DMD: variants seen among roughly 807,000 people sequenced by gnomAD.
DMD encodes dystrophin, also known as mutant dystrophin.
Under a neutral mutation model 330.1 loss-of-function variants are expected in DMD, and 63 were observed. The ratio of observed to expected loss-of-function variants is 0.19; its 90% CI spans 0.16 to 0.24. The LOEUF is 0.24. DMD is among the 10% of genes least tolerant of loss of function. The pLI is 1.00. For missense variants in DMD, 3,344 were observed against 2,684.1 expected (o/e 1.25, Z -5.43); for synonymous variants, 1,223 against 959.8 (o/e 1.27, Z -5.07).
chrX:32,188,858 A>C (rs1412290437), intron 44 of DMD, among the ~76,000 whole-genome samples: 1 of 110,812 alleles, frequency 9.0e-6, no homozygotes, highest in Non-Finnish European at 1.9e-5. Flanking sequence ...ATTAAATTCA[A>C]ATGTTAACTT....
At chrX:32,538,214 C>A (rs780262236) in intron 17 of DMD, among the ~76,000 whole-genome samples, 3 of 112,413 alleles carry the variant, frequency 2.7e-5, no homozygotes, top group Non-Finnish European at 5.6e-5. Context: ...TGCACCTTTA[C>A]GTCCAGATGG....
chrX:31,177,332 G>C (rs2040619570), intron 71 of DMD, among the ~76,000 whole-genome samples: 1 of 111,522 alleles, frequency 9.0e-6, no homozygotes, highest in Non-Finnish European at 1.9e-5. Context: ...TTAGCTTGGA[G>C]AGGAGAGCAA....
At chrX:31,510,711 A>G (rs3788894) in intron 55 of DMD, among the ~76,000 whole-genome samples, 7,546 of 108,997 alleles carry the variant, frequency 0.069, 244 homozygotes, top group Non-Finnish European at 0.099. Flanking sequence ...GGGTTTCACC[A>G]TGTTAGCCAG....
chrX:32,432,560 CACA>C (rs984165332), intron 29 of DMD, among the ~76,000 whole-genome samples: 1 of 112,080 alleles, frequency 8.9e-6, no homozygotes, highest in African/African-American at 3.2e-5. Flanking sequence ...TCAGCCCTAT[CACA>C]ACAACTGTGA....
At chrX:33,128,694 A>C (rs779322983) in intron 1 of DMD, among the ~76,000 whole-genome samples, 20 of 112,215 alleles carry the variant, frequency 1.8e-4, no homozygotes, top group African/African-American at 6.1e-4. Flanking sequence ...GTGAAAAAGA[A>C]AAAGAAGCAG....
At chrX:32,393,392 A>T (rs5927982) in intron 30 of DMD, among the ~76,000 whole-genome samples, 1 of 109,955 alleles carries the variant, frequency 9.1e-6, no homozygotes, top group Non-Finnish European at 1.9e-5. Context: ...GTATTAAATA[A>T]CTTTATGTCC....
intron 50 of DMD, among the ~76,000 whole-genome samples, chrX:31,792,834 C>G (rs2091639521): frequency 8.9e-6 from 1 of 111,880 alleles, no homozygotes; most frequent in African/African-American, 3.3e-5. Flanking sequence ...TAGGCGTTAA[C>G]AGCTCAGTGG....
chrX:32,113,512 C>A (rs1018504531), intron 44 of DMD, among the ~76,000 whole-genome samples: 2 of 111,673 alleles, frequency 1.8e-5, no homozygotes, highest in African/African-American at 6.5e-5. Context: ...TTCAGGGCCT[C>A]GATTTCGTTC....
intron 1 of DMD, among the ~76,000 whole-genome samples, chrX:33,035,453 G>A (rs936712061): frequency 1.8e-5 from 2 of 111,397 alleles, no homozygotes; most frequent in African/African-American, 3.3e-5. Context: ...GTTGTTGTTA[G>A]TTTCTTGTGC....
intron 60 of DMD, among the ~76,000 whole-genome samples, chrX:31,417,074 T>C (rs1423071466): frequency 2.7e-5 from 3 of 111,947 alleles, no homozygotes; most frequent in Non-Finnish European, 3.8e-5. Flanking sequence ...CACAGGCTTT[T>C]AAATTTGTCA....
intron 1 of DMD, among the ~76,000 whole-genome samples, chrX:33,152,794 T>A: frequency 8.9e-6 from 1 of 111,792 alleles, no homozygotes; most frequent in Non-Finnish European, 1.9e-5. Flanking sequence ...GGAATCATAT[T>A]GCTATTATAA....
rs773939250 is a variant in DMD at position 31,289,251 on chromosome X, C to CAAAAAAAAAAAAAAAAAAAAAAAAA, written c.9225-28236_9225-28235insTTTTTTTTTTTTTTTTTTTTTTTTT. Among the ~76,000 whole-genome samples the CAAAAAAAAAAAAAAAAAAAAAAAAA allele has an allele frequency of 3.4e-4, 8 of 23,598 alleles. 2 individuals carry two copies. The highest frequency in any genetic ancestry group is 5.5e-4 in the Non-Finnish European group (7 of 12,691). 20.5% of individuals were successfully genotyped at this position (23,598 alleles called of 115,157 possible). On this transcript the variant is annotated intron_variant, in intron 62 of 78. Coordinates refer to ENST00000357033, the MANE Select transcript of DMD (RefSeq NM_004006.3). ...CTGCACTCCAGCCTGGGTGACAGAG[C>CAAAAAAAAAAAAAAAAAAAAAAAAA]AAAAAAAAAAAAAATAAAAAATAAA...
intron 54 of DMD, among the ~76,000 whole-genome samples, chrX:31,643,126 A>G (rs2079872379): frequency 9.0e-6 from 1 of 111,439 alleles, no homozygotes. Flanking sequence ...CATTTCACTC[A>G]TCCATTTTCC....
intron 2 of DMD, among the ~76,000 whole-genome samples, chrX:32,850,777 G>C (rs1269734942): frequency 9.0e-6 from 1 of 111,639 alleles, no homozygotes; most frequent in African/African-American, 3.3e-5. Flanking sequence ...CCCTCATGAG[G>C]TAATTCCCAG....
At chrX:31,196,646 A>AT (rs2042911758) in intron 67 of DMD, among the ~76,000 whole-genome samples, 1 of 108,143 alleles carries the variant, frequency 9.2e-6, no homozygotes, top group Non-Finnish European at 1.9e-5. Flanking sequence ...AACATGGTGA[A>AT]ACCTTCTCTA....
At chrX:32,986,786 C>T (rs1171693247) in intron 2 of DMD, among the ~76,000 whole-genome samples, 2 of 109,050 alleles carry the variant, frequency 1.8e-5, no homozygotes, top group African/African-American at 3.3e-5. Context: ...TAAAAATACA[C>T]ACATGTGTTG....
intron 9 of DMD, among the ~76,000 whole-genome samples, chrX:32,683,926 T>A (rs2062637540): frequency 9.2e-6 from 1 of 108,326 alleles, no homozygotes; most frequent in Non-Finnish European, 1.9e-5. Flanking sequence ...GTAAAAATAG[T>A]AAGTTGTTAA....
chrX:31,377,439 C>T (rs2059937838), intron 60 of DMD, among the ~76,000 whole-genome samples: 1 of 112,192 alleles, frequency 8.9e-6, no homozygotes, highest in South Asian at 3.7e-4. Context: ...TGTGGAAGAA[C>T]TCCTGAAAGG....
At chrX:32,147,611 T>TAG (rs1324025640) in intron 44 of DMD, among the ~76,000 whole-genome samples, 1 of 111,457 alleles carries the variant, frequency 9.0e-6, no homozygotes, top group East Asian at 2.8e-4. Flanking sequence ...CGGTACATTG[T>TAG]GATGTTAACA....
Sources: gnomAD v4.1 joint callset for allele counts (sites outside exome capture counted in the v4.1 genomes callset) on GRCh38, gnomAD v4.1.1 for gene constraint, MANE v1.5 for transcripts, NCBI Gene and HGNC (gene_info 2026-07-23, HGNC 2026-07-21) for gene names.